EXOC4: variants seen among roughly 807,000 people sequenced by gnomAD.
EXOC4 encodes SEC8-like 1.
Under a neutral mutation model 107.2 loss-of-function variants are expected in EXOC4, and 71 were observed. The ratio of observed to expected loss-of-function variants is 0.66; its 90% confidence interval spans 0.55 to 0.81. The LOEUF (loss-of-function observed/expected upper bound fraction) is 0.81, where lower values mean the gene tolerates loss of function less well. Among genes scored for constraint, EXOC4 ranks in the 30% least tolerant of loss-of-function variants. The probability of loss-of-function intolerance (pLI) is 0.00; values close to 1 mark genes in which losing one functional copy is unlikely to be tolerated. For synonymous variants in EXOC4, 456 were observed against 441.2 expected, an observed-to-expected ratio of 1.03 and a Z score of -0.42; for missense variants, 1,108 against 1,189.6, an observed-to-expected ratio of 0.93 and a Z score of 1.01.
Position 133,857,555 on chromosome 7 carries a change from ATGCC to A in EXOC4, c.1735-38043_1735-38040del, listed in dbSNP as rs561663944. ...CGGCTCATGCTACAGACCCAGACCCATGCCCACTGAGGGCAAGCCAGGCATGGAG... is the reference window on the plus strand; with the variant it reads ...CGGCTCATGCTACAGACCCAGACCCACACTGAGGGCAAGCCAGGCATGGAG... On this transcript the variant is annotated intron_variant, in intron 11 of 17. Transcript: ENST00000253861. Among the ~76,000 whole-genome samples, 262 of 149,578 alleles carry A rather than the reference ATGCC, an allele frequency of 1.8e-3. 4 individuals are homozygous for A. Among genetic ancestry groups the A allele is most frequent in the African/African-American group, 5.9e-3 (240 of 40,604 alleles).
intron 7 of EXOC4, among the ~76,000 whole-genome samples, chr7:133,439,182 CTT>C (rs35280420): frequency 3.2e-5 from 3 of 94,066 alleles, no homozygotes; most frequent in Non-Finnish European, 5.7e-5. Flanking sequence ...TTCATCAGTT[CTT>C]TTTTTTTTTT....
intron 10 of EXOC4, among the ~76,000 whole-genome samples, chr7:133,709,540 C>T (rs1445514122): frequency 6.6e-6 from 1 of 152,102 alleles, no homozygotes; most frequent in Non-Finnish European, 1.5e-5. Context: ...TTTGGCCAGA[C>T]CTCAGACTAC....
intron 7 of EXOC4, among the ~76,000 whole-genome samples, chr7:133,379,775 TATC>T (rs1386512122): frequency 6.6e-6 from 1 of 152,096 alleles, no homozygotes; most frequent in African/African-American, 2.4e-5. Context: ...CAAAGTAAGA[TATC>T]ATGTCTTCCC....
intron 14 of EXOC4, among the ~76,000 whole-genome samples, chr7:133,990,302 A>C (rs1794222452): frequency 8.8e-6 from 1 of 113,422 alleles, no homozygotes; most frequent in Non-Finnish European, 1.6e-5. Context: ...CTCAGCCTCT[A>C]GTAATCACCA....
chr7:133,959,310 G>T (rs1394586831), intron 14 of EXOC4, among the ~76,000 whole-genome samples: 1 of 151,998 alleles, frequency 6.6e-6, no homozygotes, highest in African/African-American at 2.4e-5. Flanking sequence ...AGAAATAAGA[G>T]AAGATATTGT....
intron 7 of EXOC4, among the ~76,000 whole-genome samples, chr7:133,408,866 T>C (rs1416674869): frequency 6.6e-6 from 1 of 152,198 alleles, no homozygotes; most frequent in Non-Finnish European, 1.5e-5. Flanking sequence ...TATAAGATGG[T>C]CAAACTGCTA....
At chr7:133,623,407 G>C (rs1238544331) in intron 9 of EXOC4, among the ~76,000 whole-genome samples, 1 of 152,088 alleles carries the variant, frequency 6.6e-6, no homozygotes, top group Non-Finnish European at 1.5e-5. Flanking sequence ...TTTGCTCCTA[G>C]TTGGTTTGTA....
chr7:133,412,734 A>T (rs1797390621), intron 7 of EXOC4, among the ~76,000 whole-genome samples: 1 of 152,096 alleles, frequency 6.6e-6, no homozygotes, highest in Non-Finnish European at 1.5e-5. Flanking sequence ...CATCAGAAAA[A>T]AGTAGTAATC....
intron 10 of EXOC4, among the ~76,000 whole-genome samples, chr7:133,797,107 C>T (rs955670443): frequency 1.5e-4 from 23 of 152,082 alleles, no homozygotes; most frequent in Non-Finnish European, 2.8e-4. Flanking sequence ...AATCCCTGAC[C>T]GGCTTAGGAA....
At chr7:133,710,271 A>G (rs900402934) in intron 10 of EXOC4, among the ~76,000 whole-genome samples, 5 of 152,102 alleles carry the variant, frequency 3.3e-5, no homozygotes, top group African/African-American at 9.7e-5. Flanking sequence ...CCTCTTGCTC[A>G]AAGGCCTGGG....
intron 9 of EXOC4, among the ~76,000 whole-genome samples, chr7:133,586,454 T>C (rs1270458600): frequency 6.6e-6 from 1 of 152,230 alleles, no homozygotes; most frequent in Non-Finnish European, 1.5e-5. Context: ...TTTTTATTTT[T>C]AATGGCTGCA....
chr7:133,286,768 G>A (rs1794287733), intron 2 of EXOC4, among the ~76,000 whole-genome samples: 1 of 152,208 alleles, frequency 6.6e-6, no homozygotes, highest in South Asian at 2.1e-4. Flanking sequence ...AGGGTCCATG[G>A]GGGCTTTGGA....
At chr7:134,062,865 A>G (rs962676479) in intron 17 of EXOC4, among the ~76,000 whole-genome samples, 1 of 152,178 alleles carries the variant, frequency 6.6e-6, no homozygotes, top group African/African-American at 2.4e-5. Context: ...AAGAATCCCT[A>G]TAATGCATAT....
chr7:134,023,459 TAAC>T (rs778986662), intron 17 of EXOC4, among the ~76,000 whole-genome samples: 4 of 152,172 alleles, frequency 2.6e-5, no homozygotes, highest in Non-Finnish European at 5.9e-5. Context: ...TTAATATTAA[TAAC>T]TACTATGAAT....
At chr7:133,550,485 C>G (rs1040051459) in intron 9 of EXOC4, among the ~76,000 whole-genome samples, 3 of 152,128 alleles carry the variant, frequency 2.0e-5, no homozygotes, top group Non-Finnish European at 4.4e-5. Context: ...AAGTTTGAGA[C>G]TATAAAATCT....
intron 10 of EXOC4, among the ~76,000 whole-genome samples, chr7:133,800,089 T>C (rs1474669226): frequency 7.1e-6 from 1 of 141,728 alleles, no homozygotes; most frequent in Non-Finnish European, 1.5e-5. Flanking sequence ...TCTACATTTA[T>C]ACTTACAGTC....
At chr7:133,297,644 T>G (rs949439036) in intron 3 of EXOC4, among the ~76,000 whole-genome samples, 6 of 152,108 alleles carry the variant, frequency 3.9e-5, no homozygotes, top group Non-Finnish European at 7.4e-5. Context: ...AAAAGTGAAA[T>G]ATAGTACAGG....
At chr7:133,828,814 A>G (rs918479861) in intron 11 of EXOC4, among the ~76,000 whole-genome samples, 1 of 152,232 alleles carries the variant, frequency 6.6e-6, no homozygotes, top group Non-Finnish European at 1.5e-5. Context: ...ATTGCTAGAC[A>G]AGGTGATGTG....
intron 7 of EXOC4, among the ~76,000 whole-genome samples, chr7:133,470,663 AT>A (rs1355747783): frequency 7.2e-5 from 11 of 152,088 alleles, no homozygotes; most frequent in Non-Finnish European, 1.0e-4. Flanking sequence ...TTTGACTATT[AT>A]TTTTGGGGCT....
Sources: allele counts gnomAD v4.1 joint callset (sites outside exome capture counted in the v4.1 genomes callset), GRCh38; gene constraint gnomAD v4.1.1; transcripts MANE v1.5; gene names NCBI Gene and HGNC (gene_info 2026-07-23, HGNC 2026-07-21).